UBASH3B: variants seen among roughly 807,000 people sequenced by gnomAD.
UBASH3B encodes ubiquitin-associated and SH3 domain-containing protein B.
Under a neutral mutation model 83.4 loss-of-function variants are expected in UBASH3B, and 37 were observed. That is an observed-to-expected ratio of 0.44 (90% CI 0.34 to 0.58). The LOEUF (loss-of-function observed/expected upper bound fraction) is 0.58. Ranked by LOEUF, UBASH3B falls within the 20% of genes least tolerant of loss-of-function variation. The pLI is 0.01. For synonymous variants in UBASH3B, 304 were observed against 318.3 expected (o/e 0.96, Z 0.48); for missense variants, 657 against 827.2 (o/e 0.79, Z 2.52).
chr11:122,795,094 T>C (rs1423683275), intron 7 of UBASH3B, among the ~76,000 whole-genome samples: 1 of 152,208 alleles, frequency 6.6e-6, no homozygotes, highest in Non-Finnish European at 1.5e-5. Context: ...AGTTTATCTC[T>C]AAAGTAGGAA....
At position 122,783,137 on chromosome 11, in the gene UBASH3B, A is replaced by T. The variant is rs753583026; in HGVS notation, c.686A>T (p.Lys229Ile). ...GCCAGCCACCTACCCACCCTAGAGA[A>T]ACTGGCCCAGAACATTGACGTCAAG... ...FQASHLPTLE[K>I]LAQNIDVKLG... Residue 229 changes from lysine (K) to isoleucine (I), a missense_variant, in exon 5 of 14, where the codon AAA becomes ATA. Coordinates refer to ENST00000284273, the MANE Select transcript of UBASH3B (RefSeq NM_032873.5). 2.5e-6 allele frequency: 4 copies of T among 1,613,966 alleles called. No individual in the cohort carries two copies.
chr11:122,700,689 G>C (rs148427945), intron 1 of UBASH3B, among the ~76,000 whole-genome samples: 2 of 152,020 alleles, frequency 1.3e-5, no homozygotes, highest in African/African-American at 4.8e-5. Context: ...TAGAGATGGG[G>C]TTTCACCATG....
chr11:122,702,499 C>T (rs936495603), intron 1 of UBASH3B, among the ~76,000 whole-genome samples: 5 of 150,528 alleles, frequency 3.3e-5, no homozygotes, highest in Admixed American at 1.3e-4. Context: ...ACAGATAAAA[C>T]AGTAAGCAGT....
At chr11:122,803,540 G>C (rs1358852649) in intron 11 of UBASH3B, among the ~76,000 whole-genome samples, 1 of 151,296 alleles carries the variant, frequency 6.6e-6, no homozygotes, top group Non-Finnish European at 1.5e-5. Context: ...ACCAGCCCAG[G>C]GCCTGGGGGG....
intron 1 of UBASH3B, among the ~76,000 whole-genome samples, chr11:122,768,543 T>C (rs1591805192): frequency 6.6e-6 from 1 of 151,572 alleles, no homozygotes; most frequent in African/African-American, 2.4e-5. Context: ...CCTCACTCTA[T>C]CGCCCACGCT....
intron 11 of UBASH3B, among the ~76,000 whole-genome samples, chr11:122,804,659 C>T (rs1565573324): frequency 6.6e-6 from 1 of 152,152 alleles, no homozygotes; most frequent in Non-Finnish European, 1.5e-5. Context: ...AAGCAGGACA[C>T]TCGCACAGAG....
intron 1 of UBASH3B, among the ~76,000 whole-genome samples, chr11:122,713,943 G>T (rs1565538563): frequency 6.6e-6 from 1 of 151,526 alleles, no homozygotes; most frequent in Non-Finnish European, 1.5e-5. Context: ...GATAACTTAA[G>T]CAGGAAACGA....
chr11:122,716,141 G>A (rs1349355825), intron 1 of UBASH3B, among the ~76,000 whole-genome samples: 2 of 152,188 alleles, frequency 1.3e-5, no homozygotes, highest in African/African-American at 2.4e-5. Flanking sequence ...AGCTGGGGCT[G>A]GTGAGAACTG....
chr11:122,658,149 C>A (rs2135886981), intron 1 of UBASH3B, among the ~76,000 whole-genome samples: 1 of 139,844 alleles, frequency 7.2e-6, no homozygotes, highest in South Asian at 2.3e-4. Flanking sequence ...GCACTCTAGC[C>A]TGGGTTACAG....
chr11:122,769,300 C>G (rs2135129012), intron 1 of UBASH3B, among the ~76,000 whole-genome samples: 1 of 152,326 alleles, frequency 6.6e-6, no homozygotes, highest in South Asian at 2.1e-4. Flanking sequence ...TCCCAGAAGA[C>G]TGGCTCCAAG....
At chr11:122,699,883 C>G (rs1403387979) in intron 1 of UBASH3B, among the ~76,000 whole-genome samples, 3 of 152,064 alleles carry the variant, frequency 2.0e-5, no homozygotes, top group Non-Finnish European at 4.4e-5. Flanking sequence ...CATGCCCAGC[C>G]CAGATGACTG....
In UBASH3B at chr11:122,755,945, T is replaced by C. The variant is rs536014079; in HGVS notation, c.162-20274T>C. 2.6e-5 allele frequency among the ~76,000 whole-genome samples: 4 copies of C among 152,282 alleles called. No homozygotes were observed. In the South Asian group the frequency reaches 8.3e-4, roughly 32 times the overall value. The stretch of plus-strand genomic sequence containing the variant: ...TACAGGAGTCTTTTGTACCTAAACA[T>C]TGCAGTGTTCCTCTCCCCATTACCA... On this transcript the variant is annotated intron_variant, in intron 1 of 13. Coordinates refer to ENST00000284273, the MANE Select transcript of UBASH3B (RefSeq NM_032873.5).
intron 1 of UBASH3B, among the ~76,000 whole-genome samples, chr11:122,690,199 T>C (rs1172377653): frequency 7.0e-5 from 2 of 28,518 alleles, no homozygotes; most frequent in African/African-American, 2.2e-4. Flanking sequence ...TATATATATA[T>C]ATATATATAT....
At chr11:122,681,660 G>A (rs1225191508) in intron 1 of UBASH3B, among the ~76,000 whole-genome samples, 4 of 151,468 alleles carry the variant, frequency 2.6e-5, no homozygotes, top group East Asian at 3.9e-4. Context: ...GGGGTAATAG[G>A]CACAGGTTCA....
chr11:122,798,827 C>A, intron 9 of UBASH3B, 115 bp from the exon 10 acceptor site: 1 of 694,388 alleles, frequency 1.4e-6, no homozygotes, highest in East Asian at 2.8e-5. Flanking sequence ...TATGTGAGCC[C>A]CAGTTAGGAA....
chr11:122,808,534 T>TAA (rs1861381245), intron 13 of UBASH3B, among the ~76,000 whole-genome samples: 1 of 152,198 alleles, frequency 6.6e-6, no homozygotes, highest in African/African-American at 2.4e-5. Flanking sequence ...ATCTGAAAGC[T>TAA]TAACTCAAAC....
intron 1 of UBASH3B, among the ~76,000 whole-genome samples, chr11:122,729,211 G>T (rs1275077630): frequency 2.0e-5 from 3 of 152,192 alleles, no homozygotes; most frequent in African/African-American, 7.2e-5. Flanking sequence ...ACAGGGGCCA[G>T]CTCCCTGCAG....
At chr11:122,666,605 G>A (rs1863523140) in intron 1 of UBASH3B, among the ~76,000 whole-genome samples, 2 of 151,970 alleles carry the variant, frequency 1.3e-5, no homozygotes, top group Admixed American at 1.3e-4. Context: ...TTTTAGTAGA[G>A]ACGGGGTTTC....
intron 1 of UBASH3B, among the ~76,000 whole-genome samples, chr11:122,676,659 A>G (rs980938345): frequency 2.6e-5 from 4 of 152,168 alleles, no homozygotes; most frequent in African/African-American, 9.7e-5. Context: ...GCAGTGAGCC[A>G]AGAATGTGCC....
Sources: allele counts gnomAD v4.1 joint callset (sites outside exome capture counted in the v4.1 genomes callset), GRCh38; gene constraint gnomAD v4.1.1; transcripts MANE v1.5; gene names NCBI Gene and HGNC (gene_info 2026-07-23, HGNC 2026-07-21).